FREM2: variants seen among roughly 807,000 people sequenced by gnomAD.
The protein encoded by FREM2 is FRAS1-related extracellular matrix protein 2.
FREM2 carries 119 observed loss-of-function variants against 219.9 expected under a neutral mutation model. That is an observed-to-expected ratio of 0.54 (90% CI 0.47 to 0.63). The LOEUF (loss-of-function observed/expected upper bound fraction) is 0.63, where lower values mean the gene tolerates loss of function less well. FREM2 is among the 30% of genes least tolerant of loss of function. The pLI, the probability that FREM2 is intolerant of heterozygous loss-of-function variation, is 0.00. For missense variants in FREM2, 4,030 were observed against 3,993.6 expected (o/e 1.01, Z -0.25); for synonymous variants, 1,562 against 1,522.8 (o/e 1.03, Z -0.60).
At chr13:38,777,470 C>T (rs1310840354) in intron 4 of FREM2, among the ~76,000 whole-genome samples, 1 of 152,166 alleles carries the variant, frequency 6.6e-6, no homozygotes, top group African/African-American at 2.4e-5. Flanking sequence ...CACCACCTAC[C>T]AACCTAACTT....
At chr13:38,866,718 T>C (rs1367845042) in intron 16 of FREM2, among the ~76,000 whole-genome samples, 1 of 151,924 alleles carries the variant, frequency 6.6e-6, no homozygotes, top group Admixed American at 6.6e-5. Context: ...TCTGTGGATC[T>C]CATCTAGTTT....
intron 6 of FREM2, among the ~76,000 whole-genome samples, chr13:38,819,212 G>A (rs1875909168): frequency 6.6e-6 from 1 of 152,030 alleles, no homozygotes; most frequent in Non-Finnish European, 1.5e-5. Flanking sequence ...CGCTTGCCTG[G>A]TCTTTTTGAA....
chr13:38,701,443 C>T (rs531173533), intron 2 of FREM2, among the ~76,000 whole-genome samples: 2 of 152,230 alleles, frequency 1.3e-5, no homozygotes, highest in Admixed American at 6.5e-5. Context: ...CTGGGAAATA[C>T]ATCTTCCTTT....
In FREM2 at chr13:38,687,878, G is replaced by C; in HGVS notation, c.534G>C (p.Gln178His). The C allele has an allele frequency of 6.3e-7, 1 of 1,576,788 alleles. No individual in the cohort carries two copies. Among genetic ancestry groups the C allele is most frequent in the Non-Finnish European group, 8.6e-7 (1 of 1,158,130 alleles). The change falls in exon 1 of 24, where the codon CAG becomes CAC. Residue 178 changes from glutamine (Q) to histidine (H), a missense_variant. Physicochemically the swap from Gln to His is conservative, Grantham distance 24 (BLOSUM62 0). Coordinates refer to ENST00000280481, the MANE Select transcript of FREM2 (RefSeq NM_207361.6). Reference sequence around the variant, plus strand: ...TGGAGGTGGAGGTGGTCTTCACCCAGCTGGAGGTTGTGACTCGGAACTTGC... The same window carrying C: ...TGGAGGTGGAGGTGGTCTTCACCCACCTGGAGGTTGTGACTCGGAACTTGC... Reference protein sequence around the residue: ...LVLEVEVVFTQLEVVTRNLPL... With the variant: ...LVLEVEVVFTHLEVVTRNLPL...
chr13:38,800,095 G>A (rs1480876305), intron 6 of FREM2, among the ~76,000 whole-genome samples: 2 of 152,036 alleles, frequency 1.3e-5, no homozygotes, highest in East Asian at 1.9e-4. Context: ...GTGTTTTACT[G>A]TAGTGGTATC....
chr13:38,780,725 G>A lies in FREM2; in HGVS notation c.5642-2345G>A, dbSNP rs1874086497. On this transcript the variant is annotated intron_variant, in intron 4 of 23. Coordinates refer to ENST00000280481, the MANE Select transcript of FREM2 (RefSeq NM_207361.6). ...TTTGGCAATCAGCCTCCAGTGGTCAGGATCTGATGATGGCTTTCCTAATTT... is the reference window on the plus strand; with the variant it reads ...TTTGGCAATCAGCCTCCAGTGGTCAAGATCTGATGATGGCTTTCCTAATTT... Among the ~76,000 whole-genome samples the A allele has an allele frequency of 2.0e-5, 3 of 152,318 alleles. No individual in the cohort carries two copies. The South Asian group carries it at 6.2e-4, about 32-fold the overall frequency.
chr13:38,868,555 T>C (rs1878051075), intron 16 of FREM2, among the ~76,000 whole-genome samples: 1 of 152,224 alleles, frequency 6.6e-6, no homozygotes, highest in African/African-American at 2.4e-5. Flanking sequence ...TGGATGCAAT[T>C]GCAAGAAAGC....
chr13:38,747,247 C>T (rs1386944568), intron 2 of FREM2, among the ~76,000 whole-genome samples: 2 of 152,092 alleles, frequency 1.3e-5, no homozygotes, highest in Non-Finnish European at 2.9e-5. Flanking sequence ...CTTAAGAATG[C>T]ATTCTGAGAA....
At chr13:38,700,710 T>C (rs1870310276) in intron 2 of FREM2, among the ~76,000 whole-genome samples, 1 of 152,082 alleles carries the variant, frequency 6.6e-6, no homozygotes, top group Non-Finnish European at 1.5e-5. Flanking sequence ...AACTAGAGGC[T>C]GCTTTCAATC....
chr13:38,851,634 A>G lies in FREM2; in HGVS notation c.6743-52A>G, dbSNP rs1026358282. 48 of 1,329,904 alleles carry G rather than the reference A, an allele frequency of 3.6e-5. No individual in the cohort carries two copies. In the Middle Eastern group the frequency reaches 7.4e-4, roughly 21 times the overall value. 82.4% of individuals were successfully genotyped at this position (1,329,904 alleles called of 1,614,324 possible). On this transcript the variant is annotated intron_variant, in intron 10 of 23. Coordinates refer to ENST00000280481, the MANE Select transcript of FREM2 (RefSeq NM_207361.6). ...GAAACAAACATTAGAAATGGAGGAA[A>G]AGCATTCCCCTTACTAACAATTTCA...
At chr13:38,829,042 A>T (rs1876406633) in intron 6 of FREM2, among the ~76,000 whole-genome samples, 1 of 152,150 alleles carries the variant, frequency 6.6e-6, no homozygotes, top group Non-Finnish European at 1.5e-5. Flanking sequence ...TGCTATAAGC[A>T]TGTTATATAT....
At chr13:38,830,845 C>A (rs1876480040) in intron 6 of FREM2, among the ~76,000 whole-genome samples, 1 of 152,166 alleles carries the variant, frequency 6.6e-6, no homozygotes, top group Non-Finnish European at 1.5e-5. Flanking sequence ...GCAGCTGTCA[C>A]CTGTTACAAT....
At chr13:38,876,587 T>G (rs983372000) in intron 20 of FREM2, among the ~76,000 whole-genome samples, 1 of 152,204 alleles carries the variant, frequency 6.6e-6, no homozygotes, top group African/African-American at 2.4e-5. Flanking sequence ...GATGTAAAAT[T>G]CAGAGTTTAA....
intron 21 of FREM2, 73 bp downstream of exon 21, chr13:38,877,316 T>C: frequency 6.6e-7 from 1 of 1,518,280 alleles, no homozygotes; most frequent in East Asian, 2.3e-5. Flanking sequence ...TTGGGGATTG[T>C]GTTTGAGGGG....
At chr13:38,756,213 G>A (rs953689824) in intron 2 of FREM2, among the ~76,000 whole-genome samples, 5 of 152,146 alleles carry the variant, frequency 3.3e-5, no homozygotes, top group Admixed American at 6.6e-5. Context: ...ATTATTCAGC[G>A]CAGTTACGTT....
At position 38,851,952 on chromosome 13, in the gene FREM2, A is replaced by G. The variant is rs1877387899; in HGVS notation, c.6925+84A>G. The G allele has an allele frequency of 7.9e-6, 10 of 1,266,478 alleles. No individual in the cohort carries two copies. In the Admixed American group the frequency reaches 1.6e-4, roughly 20 times the overall value. The allele number at this position is 1,266,478 out of a possible 1,614,324, so 78.5% of individuals were successfully genotyped here. On this transcript the variant is annotated intron_variant, in intron 11 of 23. Transcript: ENST00000280481. Reference sequence around the variant, plus strand: ...CAGTGCCCTTAAGGAAAAGAAGGGAAACATCCAATTGAAATCAAAATAGGG... The same window carrying G: ...CAGTGCCCTTAAGGAAAAGAAGGGAGACATCCAATTGAAATCAAAATAGGG...
At chr13:38,776,538 C>A (rs1873875128) in intron 4 of FREM2, among the ~76,000 whole-genome samples, 1 of 152,122 alleles carries the variant, frequency 6.6e-6, no homozygotes, top group Non-Finnish European at 1.5e-5. Flanking sequence ...AAAATAAGAA[C>A]TGCAGTTACA....
chr13:38,753,536 G>A (rs1872862768), intron 2 of FREM2, among the ~76,000 whole-genome samples: 1 of 152,150 alleles, frequency 6.6e-6, no homozygotes, highest in African/African-American at 2.4e-5. Context: ...ATCATTTCTT[G>A]AGTTAGTTTG....
chr13:38,687,127 C>G lies in FREM2; in HGVS notation c.-218C>G. ...CGCGATTGAGGCGCTAGCGGCGGAG[C>G]TGGACGGCCTGGGAAGGCTTCGGCT... On this transcript the variant is annotated 5_prime_UTR_variant, in exon 1 of 24. Coordinates refer to ENST00000280481, the MANE Select transcript of FREM2 (RefSeq NM_207361.6). The G allele has an allele frequency of 1.6e-6, 1 of 612,568 alleles. No homozygotes were observed. Among genetic ancestry groups the G allele is most frequent in the Non-Finnish European group, 2.9e-6 (1 of 349,896 alleles). The allele number at this position is 612,568 out of a possible 1,614,324, so 37.9% of individuals were successfully genotyped here.
Sources: gnomAD v4.1 joint callset for allele counts (sites outside exome capture counted in the v4.1 genomes callset) on GRCh38, gnomAD v4.1.1 for gene constraint, MANE v1.5 for transcripts, NCBI Gene and HGNC (gene_info 2026-07-23, HGNC 2026-07-21) for gene names.